EPHB1: variants seen among roughly 807,000 people sequenced by gnomAD.
EPHB1 encodes the protein EPH receptor B1, also known as ephrin type-B receptor 1.
EPHB1 carries 30 observed loss-of-function variants against 94.4 expected under a neutral mutation model. That is an observed-to-expected ratio of 0.32 (90% confidence interval 0.24 to 0.43). The LOEUF (loss-of-function observed/expected upper bound fraction) is 0.43, where lower values mean the gene tolerates loss of function less well. EPHB1 is among the 20% of genes least tolerant of loss of function. EPHB1 has a pLI of 1.00. For missense variants in EPHB1, 1,055 were observed against 1,308.3 expected, an observed-to-expected ratio of 0.81 and a Z score of 2.99; for synonymous variants, 522 against 489.1, an observed-to-expected ratio of 1.07 and a Z score of -0.89.
At position 134,941,710 on chromosome 3, in the gene EPHB1, C is replaced by T. The variant is rs576106060; in HGVS notation, c.124-9661C>T. Among the ~76,000 whole-genome samples the T allele has an allele frequency of 1.6e-4, 24 of 150,742 alleles. No individual in the cohort carries two copies. In the South Asian group the frequency reaches 4.8e-3, roughly 30 times the overall value. On this transcript the variant is annotated intron_variant, in intron 2 of 15. Coordinates refer to ENST00000398015, the MANE Select transcript of EPHB1 (RefSeq NM_004441.5). ...GATTTTGAAAGGGGAACAGTTTTTACAGATAAATGAGTTTTGATAGCATGC... is the reference window on the plus strand; with the variant it reads ...GATTTTGAAAGGGGAACAGTTTTTATAGATAAATGAGTTTTGATAGCATGC...
In EPHB1 at chr3:135,101,540, A is replaced by ATT. The variant is rs369186263; in HGVS notation, c.806-4896_806-4895dup. Among the ~76,000 whole-genome samples, 1,018 of 145,068 alleles carry ATT rather than the reference A, an allele frequency of 7.0e-3. 18 individuals are homozygous for ATT. Among genetic ancestry groups the ATT allele is most frequent in the African/African-American group, 0.024 (967 of 39,828 alleles). Reference sequence around the variant, plus strand: ...AGGCACATGCCATGACGCCCAGCTAATTTTTTTTTTTTTGTATTTTTAGTA... The same window carrying ATT: ...AGGCACATGCCATGACGCCCAGCTAATTTTTTTTTTTTTTTGTATTTTTAGTA... On this transcript the variant is annotated intron_variant, in intron 3 of 15. Transcript: ENST00000398015.
chr3:135,053,005 G>GTGTGTA (rs1553726812), intron 3 of EPHB1, among the ~76,000 whole-genome samples: 4 of 85,002 alleles, frequency 4.7e-5, no homozygotes, highest in African/African-American at 2.3e-4. Flanking sequence ...ATATGTGTGT[G>GTGTGTA]TATATATATG....
intron 9 of EPHB1, among the ~76,000 whole-genome samples, chr3:135,178,458 CAAAA>C (rs57207495): frequency 4.0e-5 from 4 of 98,794 alleles, no homozygotes; most frequent in Non-Finnish European, 6.3e-5. Flanking sequence ...AAGACTGTCT[CAAAA>C]AAAAAAAAAA....
chr3:135,158,628 C>T (rs946043034), intron 6 of EPHB1, among the ~76,000 whole-genome samples: 3 of 152,172 alleles, frequency 2.0e-5, no homozygotes, highest in South Asian at 2.1e-4. Flanking sequence ...CTTCCTCCAC[C>T]AGCTCATTAA....
chr3:135,039,760 A>C (rs888700091), intron 3 of EPHB1, among the ~76,000 whole-genome samples: 5 of 152,276 alleles, frequency 3.3e-5, no homozygotes, highest in South Asian at 2.1e-4. Flanking sequence ...CCCGGAACTC[A>C]AGCTGGCCCG....
At position 135,030,818 on chromosome 3, in the gene EPHB1, C is replaced by A. The variant is rs1459887477; in HGVS notation, c.806-75630C>A. ...CTGGGCAATGGTGGGCGCCCCTCCC[C>A]CAGCCTCGCTGCCGCCTTGCAGTTT... On this transcript the variant is annotated intron_variant, in intron 3 of 15. Transcript: ENST00000398015. Among the ~76,000 whole-genome samples the A allele has an allele frequency of 2.6e-5, 4 of 152,328 alleles. No individual in the cohort carries two copies. The South Asian group carries it at 6.2e-4, about 24-fold the overall frequency.
intron 3 of EPHB1, among the ~76,000 whole-genome samples, chr3:135,018,180 A>T (rs1559796610): frequency 6.6e-6 from 1 of 152,164 alleles, no homozygotes; most frequent in Non-Finnish European, 1.5e-5. Context: ...TGTACTTCCA[A>T]GCAGGCCCCG....
intron 3 of EPHB1, among the ~76,000 whole-genome samples, chr3:135,098,982 C>A (rs1938920320): frequency 7.3e-6 from 1 of 137,166 alleles, no homozygotes. Flanking sequence ...CACTGCACTC[C>A]AGTCTGGGCA....
intron 1 of EPHB1, among the ~76,000 whole-genome samples, chr3:134,849,613 G>C (rs373848397): frequency 1.1e-4 from 16 of 152,306 alleles, no homozygotes; most frequent in Admixed American, 2.6e-4. Flanking sequence ...AACTCTGGAG[G>C]GGGTAGTGGC....
intron 1 of EPHB1, among the ~76,000 whole-genome samples, chr3:134,803,294 C>G (rs1474052609): frequency 6.6e-6 from 1 of 152,178 alleles, no homozygotes; most frequent in Non-Finnish European, 1.5e-5. Flanking sequence ...TCTCCATTTC[C>G]CTGTGAAGGT....
At chr3:135,254,755 C>CT (rs1425206695) in intron 15 of EPHB1, among the ~76,000 whole-genome samples, 1 of 152,056 alleles carries the variant, frequency 6.6e-6, no homozygotes, top group Non-Finnish European at 1.5e-5. Context: ...AGGATTCCCT[C>CT]TTTTTCTATT....
intron 1 of EPHB1, among the ~76,000 whole-genome samples, chr3:134,873,261 T>C (rs72984073): frequency 0.011 from 1,702 of 152,276 alleles, 25 homozygotes; most frequent in African/African-American, 0.039. Flanking sequence ...TGTGTTCTGA[T>C]TCCCTTGTGC....
intron 1 of EPHB1, among the ~76,000 whole-genome samples, chr3:134,845,926 T>C (rs760200193): frequency 1.3e-5 from 2 of 152,046 alleles, no homozygotes; most frequent in Non-Finnish European, 2.9e-5. Context: ...GCCCCTCTGC[T>C]TACACACACA....
intron 3 of EPHB1, among the ~76,000 whole-genome samples, chr3:135,001,174 T>A (rs763992538): frequency 8.5e-5 from 13 of 152,064 alleles, no homozygotes; most frequent in Non-Finnish European, 1.6e-4. Context: ...TCTCCAGCAG[T>A]GTGAAGCATG....
intron 3 of EPHB1, among the ~76,000 whole-genome samples, chr3:135,053,049 A>ATATATATATATATG (rs1208348401): frequency 8.8e-5 from 12 of 136,820 alleles, no homozygotes; most frequent in Admixed American, 7.4e-4. Context: ...ATATATATAT[A>ATATATATATATATG]TATATAAAGT....
chr3:135,249,772 A>AACTC (rs1287592197), intron 15 of EPHB1, among the ~76,000 whole-genome samples: 1 of 152,182 alleles, frequency 6.6e-6, no homozygotes, highest in Non-Finnish European at 1.5e-5. Flanking sequence ...TAAGTTTTTA[A>AACTC]ACTCAACTCA....
chr3:135,197,262 A>C (rs184115249), intron 11 of EPHB1, among the ~76,000 whole-genome samples: 39 of 152,336 alleles, frequency 2.6e-4, no homozygotes, highest in Non-Finnish European at 2.9e-5. Flanking sequence ...TTCACAGATA[A>C]TCATAACTGG....
At chr3:135,120,150 A>G (rs1576402727) in intron 4 of EPHB1, among the ~76,000 whole-genome samples, 1 of 152,196 alleles carries the variant, frequency 6.6e-6, no homozygotes, top group Admixed American at 6.5e-5. Context: ...ATGTCATTAA[A>G]CAATCCTGTT....
intron 1 of EPHB1, among the ~76,000 whole-genome samples, chr3:134,819,217 A>G (rs1056078768): frequency 2.0e-5 from 3 of 152,182 alleles, no homozygotes; most frequent in African/African-American, 7.2e-5. Flanking sequence ...CTGTCTAATC[A>G]CTATCACTTC....
Sources: allele counts gnomAD v4.1 joint callset (sites outside exome capture counted in the v4.1 genomes callset), GRCh38; gene constraint gnomAD v4.1.1; transcripts MANE v1.5; gene names NCBI Gene and HGNC (gene_info 2026-07-23, HGNC 2026-07-21).